DHRS7: variants seen among roughly 807,000 people sequenced by gnomAD.
The protein encoded by DHRS7 is dehydrogenase/reductase 7.
Under a neutral mutation model 38.9 loss-of-function variants are expected in DHRS7, and 34 were observed. The ratio of observed to expected loss-of-function variants is 0.87; its 90% CI spans 0.66 to 1.16. DHRS7 has a LOEUF of 1.16. Ranked by LOEUF, DHRS7 falls within the 50% of genes most tolerant of loss-of-function variation. The pLI is 0.00. For synonymous variants in DHRS7, 158 were observed against 153.1 expected (o/e 1.03, Z -0.24); for missense variants, 421 against 407.0 (o/e 1.03, Z -0.30).
Position 60,152,996 on chromosome 14 carries a change from C to G in DHRS7, c.576G>C (p.Leu192=), listed in dbSNP as rs919468023. The G allele has an allele frequency of 6.2e-7, 1 of 1,614,070 alleles. No homozygotes were observed. The highest frequency in any genetic ancestry group is 1.3e-5 in the African/African-American group (1 of 74,930). ...TGGAAAGAGGTACAGATATGATACC[C>G]AGGATGCTATTCACAGTAACAATCT... ...QGKIVTVNSI[L]GIISVPLSIG... is the part of the protein sequence containing the mutation. The change falls in exon 4 of 7, where the codon CTG becomes CTC. Residue 192 remains leucine, a synonymous_variant. Transcript: ENST00000557185.
At chr14:60,168,720 T>A (rs747437636), upstream of DHRS7, 28 of 1,564,032 alleles carry the variant, frequency 1.8e-5, no homozygotes, top group Admixed American at 5.1e-4. Flanking sequence ...ATAAGCAGAG[T>A]GAACAGAAAT....
intron 4 of DHRS7, among the ~76,000 whole-genome samples, chr14:60,150,769 G>A (rs1374622876): frequency 1.3e-5 from 2 of 152,122 alleles, no homozygotes; most frequent in Non-Finnish European, 2.9e-5. Context: ...TAGTGTATAA[G>A]GCACTTTTAA....
At chr14:60,152,813 A>G in intron 4 of DHRS7, 126 bp downstream of exon 4, 1 of 1,069,816 alleles carries the variant, frequency 9.3e-7, no homozygotes, top group Non-Finnish European at 1.4e-6. Context: ...CTCTACCAAA[A>G]GTCTCCTTGG....
At chr14:60,159,270 A>ATTCT in intron 1 of DHRS7, 1 of 430,126 alleles carries the variant, frequency 2.3e-6, no homozygotes, top group South Asian at 2.0e-5. Flanking sequence ...ATACACAGAA[A>ATTCT]ATTTCATGTC....
At chr14:60,160,828 C>T (rs1479237016) in intron 1 of DHRS7, among the ~76,000 whole-genome samples, 3 of 152,128 alleles carry the variant, frequency 2.0e-5, no homozygotes, top group South Asian at 2.1e-4. Flanking sequence ...TGAGCTCTAG[C>T]GATTTGCCCA....
At chr14:60,167,882 G>A (rs1896887645), upstream of DHRS7, among the ~76,000 whole-genome samples, 3 of 152,288 alleles carry the variant, frequency 2.0e-5, no homozygotes, top group South Asian at 6.2e-4. Flanking sequence ...TGGGCACTAT[G>A]TAAAGACATA....
chr14:60,166,948 AG>A (rs1261136504), upstream of DHRS7, among the ~76,000 whole-genome samples: 2 of 144,330 alleles, frequency 1.4e-5, no homozygotes, highest in Non-Finnish European at 3.1e-5. Flanking sequence ...AGAGAGTAGA[AG>A]GATAGTTACC....
At chr14:60,160,111 A>G (rs893160437) in intron 1 of DHRS7, among the ~76,000 whole-genome samples, 3 of 152,106 alleles carry the variant, frequency 2.0e-5, no homozygotes, top group Non-Finnish European at 2.9e-5. Flanking sequence ...GGATCACCTG[A>G]GATCAGGAGT....
At chr14:60,154,434 A>G (rs906647059) in intron 2 of DHRS7, among the ~76,000 whole-genome samples, 12 of 152,058 alleles carry the variant, frequency 7.9e-5, no homozygotes, top group Non-Finnish European at 1.5e-5. Flanking sequence ...TCTACACACA[A>G]AACAACTACT....
intron 1 of DHRS7, chr14:60,159,101 G>A (rs1896712939): frequency 9.1e-6 from 4 of 439,316 alleles, no homozygotes; most frequent in South Asian, 3.7e-5. Flanking sequence ...TGACATGGAT[G>A]CAGTTGATGC....
Position 60,162,486 on chromosome 14 carries a change from A to G in DHRS7, c.133+2691T>C, listed in dbSNP as rs1264456856. Among the ~76,000 whole-genome samples the G allele has an allele frequency of 6.6e-6, 1 of 152,160 alleles. No individual in the cohort carries two copies. Among genetic ancestry groups the G allele is most frequent in the Non-Finnish European group, 1.5e-5 (1 of 68,020 alleles). The stretch of plus-strand genomic sequence containing the variant: ...ATGGTGGCTGCCTCGAGAGAAGCAC[A>G]CTAGGTAGCTAGGGCACAAGGGTCA... On this transcript the variant is annotated intron_variant, in intron 1 of 6. Coordinates refer to ENST00000557185, the MANE Select transcript of DHRS7 (RefSeq NM_016029.4). The surrounding 1 kb of genome is among the most constrained non-coding windows in gnomAD (Gnocchi z 4.5).
intron 6 of DHRS7, 193 bp downstream of exon 6, chr14:60,149,160 A>G: frequency 1.7e-6 from 1 of 585,842 alleles, no homozygotes; most frequent in Non-Finnish European, 3.0e-6. Context: ...TTTAGTAGAG[A>G]TGGGGTTTCA....
chr14:60,152,198 T>G (rs1896560134), intron 4 of DHRS7, among the ~76,000 whole-genome samples: 1 of 152,200 alleles, frequency 6.6e-6, no homozygotes, highest in African/African-American at 2.4e-5. Flanking sequence ...AAATATAAAT[T>G]TTGTGTCTTC....
upstream of DHRS7, among the ~76,000 whole-genome samples, chr14:60,167,659 C>T (rs1896884606): frequency 6.6e-6 from 1 of 152,162 alleles, no homozygotes; most frequent in Non-Finnish European, 1.5e-5. Flanking sequence ...ATCGGCAGTC[C>T]CTAGGCGGGG....
chr14:60,150,086 G>A lies in DHRS7; in HGVS notation c.735C>T (p.Ser245=), dbSNP rs1175570759. The change falls in exon 5 of 7, where the codon TCC becomes TCT. Residue 245 remains serine (S), a synonymous_variant. Transcript: ENST00000557185. ...GPVQSNIVEN[S]LAGEVTKTIG... ...TTACCTTTGTGACTTCTCCAGCTAG[G>A]GAATTCTCCACAATATTTGATTGCA... The A allele has an allele frequency of 2.5e-6, 4 of 1,597,000 alleles. No individual in the cohort carries two copies. The Admixed American group carries it at 7.3e-5, about 29-fold the overall frequency.
In DHRS7 at chr14:60,145,039, A is replaced by T. The variant is rs1463246958; in HGVS notation, c.973-26T>A. 5 of 1,538,130 alleles carry T rather than the reference A, an allele frequency of 3.3e-6. No homozygotes were observed. In the African/African-American group the frequency reaches 7.1e-5, roughly 22 times the overall value. On this transcript the variant is annotated intron_variant, in intron 6 of 6. Coordinates refer to ENST00000557185, the MANE Select transcript of DHRS7 (RefSeq NM_016029.4). The surrounding 1 kb of genome is among the most constrained non-coding windows in gnomAD (Gnocchi z 4.0). Reference sequence around the variant, plus strand: ...CTGTAAAAGAGGGACAGAAACATGGATCAGTACCTACTCCTATTTACTCCA... The same window carrying T: ...CTGTAAAAGAGGGACAGAAACATGGTTCAGTACCTACTCCTATTTACTCCA...
At chr14:60,156,370 C>T (rs1214995298) in intron 1 of DHRS7, among the ~76,000 whole-genome samples, 1 of 151,116 alleles carries the variant, frequency 6.6e-6, no homozygotes, top group Non-Finnish European at 1.5e-5. Context: ...GTTATCAACA[C>T]AGTATTTGTA....
At chr14:60,152,251 C>A (rs1896560704) in intron 4 of DHRS7, among the ~76,000 whole-genome samples, 1 of 152,148 alleles carries the variant, frequency 6.6e-6, no homozygotes, top group Non-Finnish European at 1.5e-5. Flanking sequence ...TTCTTTATAT[C>A]CAGTCTTAAG....
chr14:60,166,462 C>A (rs533848135), upstream of DHRS7, among the ~76,000 whole-genome samples: 3 of 148,162 alleles, frequency 2.0e-5, no homozygotes, highest in African/African-American at 7.6e-5. Flanking sequence ...GACTTTAAAA[C>A]AGTCATGGAA....
Sources: allele counts gnomAD v4.1 joint callset (sites outside exome capture counted in the v4.1 genomes callset), GRCh38; gene constraint gnomAD v4.1.1; non-coding constraint Gnocchi (gnomAD v3.1); transcripts MANE v1.5; gene names NCBI Gene and HGNC (gene_info 2026-07-23, HGNC 2026-07-21).